The following EXT1 variants were observed in gnomAD, a reference collection of about 807,000 sequenced individuals.
EXT1 encodes the protein exostosin glycosyltransferase 1, also known as exostosin-1.
In EXT1, 20 loss-of-function variants were observed where a neutral mutation model predicts 82.5. The ratio of observed to expected loss-of-function variants is 0.24; its 90% CI spans 0.17 to 0.35. The LOEUF (loss-of-function observed/expected upper bound fraction) is 0.35. EXT1 is among the 10% of genes least tolerant of loss of function. The pLI is 1.00. For synonymous variants in EXT1, 348 were observed against 350.8 expected, an observed-to-expected ratio of 0.99 and a Z score of 0.09; for missense variants, 757 against 936.5, an observed-to-expected ratio of 0.81 and a Z score of 2.50.
chr8:118,070,603 CA>C (rs1389349488), intron 1 of EXT1, among the ~76,000 whole-genome samples: 3 of 152,086 alleles, frequency 2.0e-5, no homozygotes, highest in Non-Finnish European at 4.4e-5. Flanking sequence ...AATACAAATG[CA>C]AATAATCTTT....
Position 118,111,275 on chromosome 8 carries a change from C to A in EXT1, c.-229G>T, listed in dbSNP as rs1446062994. The A allele has an allele frequency of 6.1e-6, 4 of 653,972 alleles. No individual in the cohort carries two copies. In the African/African-American group the frequency reaches 7.3e-5, roughly 12 times the overall value. 40.5% of individuals were successfully genotyped at this position (653,972 alleles called of 1,614,324 possible). On this transcript the variant is annotated 5_prime_UTR_variant, in exon 1 of 11. Coordinates refer to ENST00000378204, the MANE Select transcript of EXT1 (RefSeq NM_000127.3). ...TTTCATCTTTGGGTTGCACAATGCACGGGAGAGAGCGGGGCTGAATATCTC... is the reference window on the plus strand; with the variant it reads ...TTTCATCTTTGGGTTGCACAATGCAAGGGAGAGAGCGGGGCTGAATATCTC...
intron 1 of EXT1, among the ~76,000 whole-genome samples, chr8:117,890,146 T>A (rs1813218055): frequency 6.6e-6 from 1 of 152,224 alleles, no homozygotes; most frequent in South Asian, 2.1e-4. Flanking sequence ...CTGTGCTGAC[T>A]TACATACAGT....
intron 1 of EXT1, among the ~76,000 whole-genome samples, chr8:118,041,694 G>GAAGGAAGGAAGA (rs1816532558): frequency 6.6e-6 from 1 of 151,166 alleles, no homozygotes; most frequent in Admixed American, 6.6e-5. Context: ...AGGAAGGAAG[G>GAAGGAAGGAAGA]AAGGAAGGAA....
intron 1 of EXT1, among the ~76,000 whole-genome samples, chr8:118,032,591 T>G (rs7832327): frequency 0.52 from 78,684 of 150,274 alleles, 22,182 homozygotes; most frequent in African/African-American, 0.74. Context: ...GCTGACTGCA[T>G]CCTCCGCCTC....
At chr8:118,071,772 A>G (rs2129963949) in intron 1 of EXT1, among the ~76,000 whole-genome samples, 1 of 152,256 alleles carries the variant, frequency 6.6e-6, no homozygotes, top group South Asian at 2.1e-4. Context: ...TTTCTGTCCA[A>G]TTTCAACAGG....
rs71307421 is a variant in EXT1 at position 118,027,313 on chromosome 8, T to TCACA, written c.962+82768_962+82771dup. Among the ~76,000 whole-genome samples the TCACA allele has an allele frequency of 8.4e-3, 1,217 of 145,488 alleles. 11 individuals are homozygous for TCACA. Among genetic ancestry groups the TCACA allele is most frequent in the South Asian group, 0.032 (143 of 4,496 alleles). ...TTTCGAGTTTCCAAATCAGTTTCTT[T>TCACA]CACACACACACACACACACACACAC... On this transcript the variant is annotated intron_variant, in intron 1 of 10. Transcript: ENST00000378204.
chr8:118,057,558 A>C (rs1429548585), intron 1 of EXT1, among the ~76,000 whole-genome samples: 3 of 152,084 alleles, frequency 2.0e-5, no homozygotes, highest in African/African-American at 7.2e-5. Context: ...TTAAAAAAAA[A>C]GAAAAAGAAA....
At chr8:117,923,136 C>T (rs1047839425) in intron 1 of EXT1, among the ~76,000 whole-genome samples, 1 of 151,796 alleles carries the variant, frequency 6.6e-6, no homozygotes. Context: ...ACCAGCCTCG[C>T]CAACATGGTG....
intron 1 of EXT1, among the ~76,000 whole-genome samples, chr8:117,853,747 C>G (rs1812493767): frequency 6.6e-6 from 1 of 152,140 alleles, no homozygotes; most frequent in South Asian, 2.1e-4. Flanking sequence ...ATTCTACAGG[C>G]TCTGTAGAAA....
intron 1 of EXT1, among the ~76,000 whole-genome samples, chr8:117,861,711 G>A (rs1461584389): frequency 2.1e-5 from 3 of 143,520 alleles, no homozygotes; most frequent in Non-Finnish European, 4.7e-5. Flanking sequence ...GGCCAGGCTG[G>A]CCTTGAACTC....
chr8:117,818,350 A>AT, intron 7 of EXT1, 85 bp downstream of exon 7: 2 of 1,000,110 alleles, frequency 2.0e-6, no homozygotes, highest in South Asian at 2.5e-5. Context: ...CAGGGAGAAG[A>AT]TATCTAGGGC....
chr8:118,045,643 C>CTAGA (rs1214747495), intron 1 of EXT1, among the ~76,000 whole-genome samples: 2 of 152,100 alleles, frequency 1.3e-5, no homozygotes, highest in Non-Finnish European at 2.9e-5. Flanking sequence ...ACCACCAAGA[C>CTAGA]TAGAAGCTTC....
chr8:117,872,052 G>C (rs1168950765), intron 1 of EXT1, among the ~76,000 whole-genome samples: 1 of 151,842 alleles, frequency 6.6e-6, no homozygotes. Flanking sequence ...GGATCTCTTG[G>C]GCTCAGTAGC....
Position 117,975,896 on chromosome 8 carries a change from A to C in EXT1, c.962+134189T>G, listed in dbSNP as rs557513784. ...ACCCAGGAGTAATTTTACAAGAAAG[A>C]TTGTGATAGTGTTGACCCTCGACGC... On this transcript the variant is annotated intron_variant, in intron 1 of 10. Transcript: ENST00000378204. Among the ~76,000 whole-genome samples the C allele has an allele frequency of 2.6e-5, 4 of 152,300 alleles. No homozygotes were observed. The East Asian group carries it at 7.7e-4, about 29-fold the overall frequency.
At position 118,110,691 on chromosome 8, in the gene EXT1, T is replaced by C. The variant is rs1360494729; in HGVS notation, c.356A>G (p.Tyr119Cys). ...CKKNGFKVYV[Y>C]PQQKGEKIAE... ...GATTTTCTCCCCTTTTTGCTGTGGGTATACGTAGACTTTGAAGCCGTTTTT... is the reference window on the plus strand; with the variant it reads ...GATTTTCTCCCCTTTTTGCTGTGGGCATACGTAGACTTTGAAGCCGTTTTT... The change falls in exon 1 of 11, where the codon TAC becomes TGC. Residue 119 changes from tyrosine to cysteine, a missense_variant. By Grantham distance (194) the Tyr-to-Cys change is radical. This residue lies in a region of EXT1 where 175 missense variants were observed against 159.0 expected (regional missense o/e 1.10). Transcript: ENST00000378204. The C allele has an allele frequency of 6.2e-7, 1 of 1,614,036 alleles. No homozygotes were observed. Among genetic ancestry groups the C allele is most frequent in the East Asian group, 2.2e-5 (1 of 44,886 alleles).
intron 1 of EXT1, among the ~76,000 whole-genome samples, chr8:117,885,907 GACCTTTA>G (rs958705997): frequency 6.6e-6 from 1 of 152,172 alleles, no homozygotes; most frequent in African/African-American, 2.4e-5. Flanking sequence ...TTGGCCCTTT[GACCTTTA>G]ATCAAGGGCT....
chr8:118,083,396 ATCT>A (rs1817365209), intron 1 of EXT1, among the ~76,000 whole-genome samples: 1 of 152,208 alleles, frequency 6.6e-6, no homozygotes, highest in Admixed American at 6.5e-5. Context: ...TTATGAATAT[ATCT>A]TCTTCTTATG....
intron 8 of EXT1, 31 bp from the exon 9 acceptor site, chr8:117,807,408 T>A (rs1314552516): frequency 6.2e-7 from 1 of 1,613,624 alleles, no homozygotes; most frequent in Middle Eastern, 1.6e-4. Flanking sequence ...AAACAAGCAA[T>A]CAACAGTGTT....
At chr8:117,806,913 G>A (rs1165473012) in intron 9 of EXT1, among the ~76,000 whole-genome samples, 1 of 152,174 alleles carries the variant, frequency 6.6e-6, no homozygotes, top group Non-Finnish European at 1.5e-5. Context: ...CTTGGGTGCT[G>A]ACTTAGGTAT....
Sources: gnomAD v4.1 joint callset for allele counts (sites outside exome capture counted in the v4.1 genomes callset) on GRCh38, gnomAD v4.1.1 for gene constraint, gnomAD v4.1.1 regional missense constraint, MANE v1.5 for transcripts, NCBI Gene and HGNC (gene_info 2026-07-23, HGNC 2026-07-21) for gene names.